Variants in WWP2 observed in about 807,000 individuals in gnomAD.
The protein encoded by WWP2 is NEDD4-like E3 ubiquitin-protein ligase WWP2.
A neutral mutation model predicts 121.0 loss-of-function variants in WWP2; 57 were observed. That is an observed-to-expected ratio of 0.47 (90% CI 0.38 to 0.59). The LOEUF is 0.59. Ranked by LOEUF, WWP2 falls within the 20% of genes least tolerant of loss-of-function variation. WWP2 has a pLI of 0.00. For synonymous variants in WWP2, 449 were observed against 441.3 expected (o/e 1.02, Z -0.22); for missense variants, 962 against 1,158.9 (o/e 0.83, Z 2.47).
At chr16:69,851,271 G>A (rs116637588) in intron 6 of WWP2, among the ~76,000 whole-genome samples, 7,869 of 151,706 alleles carry the variant, frequency 0.052, 247 homozygotes, top group South Asian at 0.082. Flanking sequence ...ACGTGCCTTG[G>A]CCCTCACATG....
At chr16:69,820,031 G>T (rs1382426094) in intron 4 of WWP2, among the ~76,000 whole-genome samples, 1 of 152,128 alleles carries the variant, frequency 6.6e-6, no homozygotes, top group Non-Finnish European at 1.5e-5. Flanking sequence ...GATGGATGGG[G>T]TTCGAGACTA....
At position 69,908,769 on chromosome 16, in the gene WWP2, A is replaced by G. The variant is rs777668170; in HGVS notation, c.923A>G (p.Gln308Arg). 5.8e-5 allele frequency: 94 copies of G among 1,614,084 alleles called. No individual in the cohort carries two copies. The Admixed American group carries it at 1.5e-3, about 26-fold the overall frequency. The stretch of plus-strand genomic sequence containing the variant: ...TTGACTTTATTTTTCAGATGGGAAC[A>G]GCGAGAGCTGCCCAACGGACGTGTC... ...APDALPAGWE[Q>R]RELPNGRVYY... Residue 308 changes from glutamine (Q) to arginine (R), a missense_variant, in exon 9 of 24, where the codon CAG (glutamine) becomes CGG (arginine). This residue lies in a region of WWP2 where 606 missense variants were observed against 772.6 expected (regional missense o/e 0.78). Transcript: ENST00000359154.
chr16:69,807,682 G>C (rs944760357), intron 4 of WWP2, among the ~76,000 whole-genome samples: 2 of 147,954 alleles, frequency 1.4e-5, no homozygotes, highest in East Asian at 4.1e-4. Flanking sequence ...GCCAGGTGCA[G>C]TAGCTTATGT....
intron 13 of WWP2, among the ~76,000 whole-genome samples, chr16:69,930,826 C>T (rs529246620): frequency 1.9e-4 from 29 of 152,298 alleles, no homozygotes; most frequent in Middle Eastern, 3.4e-3. Context: ...GAGCCATGAT[C>T]ACACCACTGC....
chr16:69,860,161 C>CA (rs1262706421), intron 6 of WWP2, among the ~76,000 whole-genome samples: 4 of 151,818 alleles, frequency 2.6e-5, no homozygotes, highest in Admixed American at 2.0e-4. Flanking sequence ...AAAAAAAAAT[C>CA]AAAAAAATTA....
chr16:69,811,410 C>A (rs1342191707), intron 4 of WWP2, among the ~76,000 whole-genome samples: 1 of 151,974 alleles, frequency 6.6e-6, no homozygotes, highest in African/African-American at 2.4e-5. Flanking sequence ...AGTTCAAGAC[C>A]AGCTTGGGCA....
intron 8 of WWP2, chr16:69,890,925 T>C (rs1032840616): frequency 6.6e-6 from 1 of 152,220 alleles, no homozygotes; most frequent in Non-Finnish European, 1.5e-5. Context: ...TAGAACGTGA[T>C]GAGGGCCACA....
chr16:69,834,532 T>G (rs970065289), intron 4 of WWP2, among the ~76,000 whole-genome samples: 14 of 144,434 alleles, frequency 9.7e-5, no homozygotes, highest in Middle Eastern at 7.2e-3. Flanking sequence ...TTTTTTTTAG[T>G]TTTTTTTTTT....
chr16:69,914,347 C>G (rs1014758056), intron 9 of WWP2, among the ~76,000 whole-genome samples: 2 of 151,972 alleles, frequency 1.3e-5, no homozygotes, highest in Non-Finnish European at 2.9e-5. Context: ...TTCTGAGTGC[C>G]AAGAGACAGC....
chr16:69,783,705 G>T (rs2055714484), intron 1 of WWP2, among the ~76,000 whole-genome samples: 1 of 152,042 alleles, frequency 6.6e-6, no homozygotes. Flanking sequence ...CAGCACTTTG[G>T]GAGGCTGCGG....
intron 4 of WWP2, among the ~76,000 whole-genome samples, chr16:69,825,256 C>T (rs1432642918): frequency 6.6e-6 from 1 of 151,666 alleles, no homozygotes; most frequent in African/African-American, 2.4e-5. Flanking sequence ...GAAACCCCGT[C>T]TCTACTAAAA....
At chr16:69,885,768 G>A (rs891033448) in intron 7 of WWP2, among the ~76,000 whole-genome samples, 3 of 152,186 alleles carry the variant, frequency 2.0e-5, no homozygotes, top group Non-Finnish European at 4.4e-5. Flanking sequence ...GTTAAGTGGG[G>A]ATATCAATTG....
intron 6 of WWP2, among the ~76,000 whole-genome samples, chr16:69,867,702 C>T (rs548957021): frequency 6.6e-6 from 1 of 152,310 alleles, no homozygotes; most frequent in Non-Finnish European, 1.5e-5. Context: ...ACACCGCATC[C>T]TGAGAAGGGC....
At chr16:69,777,172 A>T (rs528218039) in intron 1 of WWP2, among the ~76,000 whole-genome samples, 1 of 151,874 alleles carries the variant, frequency 6.6e-6, no homozygotes, top group African/African-American at 2.4e-5. Context: ...ACATATGGAT[A>T]TACACATATG....
At chr16:69,930,774 A>G (rs1462194538) in intron 13 of WWP2, among the ~76,000 whole-genome samples, 1 of 152,226 alleles carries the variant, frequency 6.6e-6, no homozygotes, top group African/African-American at 2.4e-5. Flanking sequence ...TGGAAAGCTA[A>G]AGCGGGAGGA....
intron 4 of WWP2, chr16:69,827,795 C>G (rs979525507): frequency 2.3e-6 from 1 of 433,848 alleles, no homozygotes; most frequent in African/African-American, 2.0e-5. Context: ...TCCCTCCCCT[C>G]GGAGATGAGG....
At chr16:69,894,907 A>G (rs1257969949) in intron 8 of WWP2, 2 of 152,220 alleles carry the variant, frequency 1.3e-5, no homozygotes, top group African/African-American at 4.8e-5. Context: ...GGTTTCTTAC[A>G]TAACGGAGGG....
chr16:69,851,807 C>T (rs1010716221), intron 6 of WWP2, among the ~76,000 whole-genome samples: 2 of 150,850 alleles, frequency 1.3e-5, no homozygotes, highest in Admixed American at 6.6e-5. Context: ...AGTGAAACCC[C>T]ATCTCTAGTA....
intron 11 of WWP2, among the ~76,000 whole-genome samples, chr16:69,927,658 A>G (rs779643433): frequency 6.6e-6 from 1 of 152,172 alleles, no homozygotes; most frequent in Non-Finnish European, 1.5e-5. Flanking sequence ...GGCCCTTAAC[A>G]GGGCAGACGT....
Sources: allele counts gnomAD v4.1 joint callset (sites outside exome capture counted in the v4.1 genomes callset), GRCh38; gene constraint gnomAD v4.1.1; regional missense constraint gnomAD v4.1.1; transcripts MANE v1.5; gene names NCBI Gene and HGNC (gene_info 2026-07-23, HGNC 2026-07-21).